The following CFAP299 variants were observed in gnomAD, a reference collection of about 807,000 sequenced individuals.
CFAP299 encodes cilia- and flagella-associated protein 299.
In CFAP299, 21 loss-of-function variants were observed where a neutral mutation model predicts 27.0. The observed-to-expected ratio is 0.78, with a 90% CI of 0.55 to 1.12. The LOEUF (loss-of-function observed/expected upper bound fraction) is 1.12, where lower values mean the gene tolerates loss of function less well. Among genes scored for constraint, CFAP299 ranks in the 50% most tolerant of loss-of-function variants. The pLI is 0.00. For missense variants in CFAP299, 310 were observed against 276.6 expected, an observed-to-expected ratio of 1.12 and a Z score of -0.86; for synonymous variants, 104 against 98.1, an observed-to-expected ratio of 1.06 and a Z score of -0.36.
At chr4:80,584,175 A>C (rs1253601320) in intron 3 of CFAP299, among the ~76,000 whole-genome samples, 1 of 152,078 alleles carries the variant, frequency 6.6e-6, no homozygotes, top group Non-Finnish European at 1.5e-5. Context: ...TAGACTTTGG[A>C]CAGCTTTAGT....
intron 2 of CFAP299, among the ~76,000 whole-genome samples, chr4:80,430,377 C>T (rs1727751338): frequency 6.6e-6 from 1 of 152,200 alleles, no homozygotes; most frequent in South Asian, 2.1e-4. Context: ...ATACTTTCTT[C>T]ACTTAGCTTT....
intron 2 of CFAP299, among the ~76,000 whole-genome samples, chr4:80,385,510 T>C (rs1216550617): frequency 6.6e-6 from 1 of 152,008 alleles, no homozygotes; most frequent in East Asian, 1.9e-4. Flanking sequence ...TCATACTGGA[T>C]CCCCAGGACA....
At chr4:80,446,420 A>C (rs1264900101) in intron 2 of CFAP299, among the ~76,000 whole-genome samples, 1 of 152,202 alleles carries the variant, frequency 6.6e-6, no homozygotes, top group Non-Finnish European at 1.5e-5. Context: ...CAATCTCAGA[A>C]ATGTTGAAAT....
At chr4:80,878,294 G>T (rs1733522723) in intron 4 of CFAP299, among the ~76,000 whole-genome samples, 2 of 152,002 alleles carry the variant, frequency 1.3e-5, no homozygotes, top group African/African-American at 2.4e-5. Context: ...TTCTGAACTT[G>T]TCTGATTGTT....
chr4:80,886,129 T>C (rs886920778), intron 4 of CFAP299, among the ~76,000 whole-genome samples: 12 of 152,128 alleles, frequency 7.9e-5, no homozygotes, highest in African/African-American at 1.9e-4. Flanking sequence ...CCTGTGGAAA[T>C]GGGAAGGAAG....
chr4:80,607,169 G>T (rs1737722439), intron 3 of CFAP299, among the ~76,000 whole-genome samples: 3 of 152,044 alleles, frequency 2.0e-5, no homozygotes, highest in African/African-American at 7.2e-5. Context: ...CTTTCAGAGG[G>T]CAGCTGGAGT....
intron 2 of CFAP299, among the ~76,000 whole-genome samples, chr4:80,444,298 C>G (rs960241965): frequency 1.3e-5 from 2 of 152,182 alleles, no homozygotes; most frequent in Non-Finnish European, 2.9e-5. Context: ...GCTACAGTAA[C>G]TAAGACAGCA....
chr4:80,508,231 C>G (rs1183369984), intron 2 of CFAP299, among the ~76,000 whole-genome samples: 1 of 152,166 alleles, frequency 6.6e-6, no homozygotes, highest in East Asian at 1.9e-4. Context: ...ACTGACCACT[C>G]TGCAATAAAT....
In CFAP299 at chr4:80,587,883, A is replaced by G. The variant is rs965946141; in HGVS notation, c.333+4700A>G. Among the ~76,000 whole-genome samples the G allele has an allele frequency of 2.6e-5, 4 of 151,542 alleles. 1 individual carries two copies. Among genetic ancestry groups the G allele is most frequent in the East Asian group, 1.9e-4 (1 of 5,198 alleles). ...CAGGCTACTGCATTATGGATGTTCAATAAAGCATAAATACCATGTGTTATG... is the reference window on the plus strand; with the variant it reads ...CAGGCTACTGCATTATGGATGTTCAGTAAAGCATAAATACCATGTGTTATG... On this transcript the variant is annotated intron_variant, in intron 3 of 5. Coordinates refer to ENST00000358105, the MANE Select transcript of CFAP299 (RefSeq NM_152770.3).
At chr4:80,506,401 A>C (rs1003179863) in intron 2 of CFAP299, among the ~76,000 whole-genome samples, 2 of 152,118 alleles carry the variant, frequency 1.3e-5, no homozygotes, top group Non-Finnish European at 2.9e-5. Flanking sequence ...GAGATAGTGC[A>C]TTTGTCAGGG....
intron 1 of CFAP299, among the ~76,000 whole-genome samples, chr4:80,341,546 G>A (rs1254472915): frequency 1.3e-5 from 2 of 152,082 alleles, no homozygotes; most frequent in Admixed American, 6.5e-5. Flanking sequence ...GGGAAAAACC[G>A]AGGCACCTAG....
intron 2 of CFAP299, among the ~76,000 whole-genome samples, chr4:80,576,187 TAAAA>T (rs760438865): frequency 8.7e-4 from 124 of 142,102 alleles, no homozygotes; most frequent in African/African-American, 3.0e-3. Flanking sequence ...AGTATAATAA[TAAAA>T]AAAAAAATAT....
chr4:80,593,785 G>A (rs1458428858), intron 3 of CFAP299, among the ~76,000 whole-genome samples: 1 of 152,080 alleles, frequency 6.6e-6, no homozygotes, highest in East Asian at 1.9e-4. Flanking sequence ...GAAAGTTTAG[G>A]TCATCAATTT....
intron 2 of CFAP299, among the ~76,000 whole-genome samples, chr4:80,367,294 A>G (rs1723883280): frequency 6.6e-6 from 1 of 152,222 alleles, no homozygotes; most frequent in Admixed American, 6.5e-5. Context: ...ATACAAAGTC[A>G]AGATTTGTGA....
chr4:80,805,273 T>C (rs1244308867), intron 3 of CFAP299, among the ~76,000 whole-genome samples: 1 of 152,128 alleles, frequency 6.6e-6, no homozygotes, highest in East Asian at 1.9e-4. Flanking sequence ...CTACAAATTT[T>C]CACTATATTC....
chr4:80,777,698 GA>G (rs1186779329), intron 3 of CFAP299, among the ~76,000 whole-genome samples: 3 of 152,070 alleles, frequency 2.0e-5, no homozygotes, highest in Non-Finnish European at 4.4e-5. Context: ...CTAACTCAAA[GA>G]AGACATTTAT....
chr4:80,391,797 A>C (rs1018260682), intron 2 of CFAP299, among the ~76,000 whole-genome samples: 2 of 152,130 alleles, frequency 1.3e-5, no homozygotes, highest in Non-Finnish European at 2.9e-5. Context: ...TGAGTCCCCC[A>C]TCACTACAAA....
intron 2 of CFAP299, chr4:80,387,899 C>A: frequency 2.1e-6 from 2 of 956,922 alleles, no homozygotes; most frequent in Admixed American, 3.5e-5. Flanking sequence ...GCCACGGTGC[C>A]CCCGGTGGCA....
intron 3 of CFAP299, among the ~76,000 whole-genome samples, chr4:80,807,563 G>A (rs918209291): frequency 1.5e-4 from 23 of 151,842 alleles, no homozygotes; most frequent in African/African-American, 4.1e-4. Flanking sequence ...AAATATACTC[G>A]GTAGAAAAAT....
Sources: allele counts gnomAD v4.1 joint callset (sites outside exome capture counted in the v4.1 genomes callset), GRCh38; gene constraint gnomAD v4.1.1; transcripts MANE v1.5; gene names NCBI Gene and HGNC (gene_info 2026-07-23, HGNC 2026-07-21).